Variants in SYN3 observed in about 807,000 individuals in gnomAD.
SYN3 encodes the protein synapsin-3.
In SYN3, 35 loss-of-function variants were observed where a neutral mutation model predicts 65.8. That is an observed-to-expected ratio of 0.53 (90% confidence interval 0.41 to 0.70). The LOEUF is 0.70. SYN3 is among the 30% of genes least tolerant of loss of function. The pLI is 0.00. For missense variants in SYN3, 680 were observed against 749.0 expected, an observed-to-expected ratio of 0.91 and a Z score of 1.08; for synonymous variants, 270 against 292.9, an observed-to-expected ratio of 0.92 and a Z score of 0.80.
chr22:32,715,822 A>G (rs1980327747), intron 6 of SYN3, among the ~76,000 whole-genome samples: 1 of 151,988 alleles, frequency 6.6e-6, no homozygotes, highest in South Asian at 2.1e-4. Context: ...AGTCTGCACA[A>G]TTAGGAGCAG....
intron 6 of SYN3, among the ~76,000 whole-genome samples, chr22:32,848,830 CTCCCAATTGCTCCTTCTTCTAACCACA>C (rs1293080985): frequency 6.6e-6 from 1 of 152,182 alleles, no homozygotes; most frequent in Non-Finnish European, 1.5e-5. Flanking sequence ...TGAGCCCCGA[CTCCCAATTGCTCCTTCTTCTAACCACA>C]TCCCCATAGA....
intron 6 of SYN3, among the ~76,000 whole-genome samples, chr22:32,652,368 C>A (rs2060084024): frequency 6.7e-6 from 1 of 149,630 alleles, no homozygotes; most frequent in Non-Finnish European, 1.5e-5. Flanking sequence ...ACACCTAAGT[C>A]TGCGATGCAA....
intron 6 of SYN3, among the ~76,000 whole-genome samples, chr22:32,746,162 G>A (rs941262868): frequency 3.9e-5 from 6 of 152,314 alleles, no homozygotes; most frequent in Middle Eastern, 3.4e-3. Context: ...CGGGTTGCAG[G>A]AGCCCACATA....
At position 32,510,086 on chromosome 22, in the gene SYN3, G is replaced by T. The variant is rs2057674849; in HGVS notation, c.*3606C>A. On this transcript the variant is annotated 3_prime_UTR_variant, in exon 14 of 14. Coordinates refer to ENST00000358763, the MANE Select transcript of SYN3 (RefSeq NM_003490.4). Reference sequence around the variant, plus strand: ...AAGGACAGAATATAGGAATATGGGAGAATTTAGGCCATGTGGTCATTGTTC... The same window carrying T: ...AAGGACAGAATATAGGAATATGGGATAATTTAGGCCATGTGGTCATTGTTC... 6.6e-6 allele frequency among the ~76,000 whole-genome samples: 1 copy of T among 152,148 alleles called. No homozygotes were observed. The highest frequency in any genetic ancestry group is 1.5e-5 in the Non-Finnish European group (1 of 68,030).
intron 6 of SYN3, among the ~76,000 whole-genome samples, chr22:32,657,644 T>C (rs1318578812): frequency 6.6e-6 from 1 of 152,162 alleles, no homozygotes; most frequent in Non-Finnish European, 1.5e-5. Context: ...CAGGGCTTGG[T>C]AAGAAGGGCT....
chr22:32,859,576 T>C (rs1168209334), intron 6 of SYN3: 2 of 688,750 alleles, frequency 2.9e-6, no homozygotes, highest in South Asian at 2.2e-5. Context: ...CCCCTTCTTT[T>C]TGGTTTTGAC....
intron 3 of SYN3, among the ~76,000 whole-genome samples, chr22:32,954,098 CCAACA>C (rs1170859797): frequency 2.9e-5 from 4 of 137,212 alleles, no homozygotes; most frequent in African/African-American, 8.5e-5. Flanking sequence ...GTACCCACAC[CCAACA>C]AAACAAAACA....
intron 3 of SYN3, among the ~76,000 whole-genome samples, chr22:32,942,150 C>T (rs2050959907): frequency 6.6e-6 from 1 of 152,218 alleles, no homozygotes; most frequent in South Asian, 2.1e-4. Context: ...ACTGCCTCCT[C>T]AAGTGGGTCC....
Position 32,631,121 on chromosome 22 carries a change from C to G in SYN3, c.712-34385G>C, listed in dbSNP as rs555522112. Among the ~76,000 whole-genome samples, 6 of 152,168 alleles carry G rather than the reference C, an allele frequency of 3.9e-5. No homozygotes were observed. The East Asian group carries it at 9.6e-4, about 24-fold the overall frequency. Reference sequence around the variant, plus strand: ...ACCAGCTTGGACAACATGGAGAAACCCTGTCTCTACTAAAAATACAAAAAT... The same window carrying G: ...ACCAGCTTGGACAACATGGAGAAACGCTGTCTCTACTAAAAATACAAAAAT... On this transcript the variant is annotated intron_variant, in intron 6 of 13. Transcript: ENST00000358763.
In SYN3 at chr22:32,618,615, G is replaced by A. The variant is rs149786797; in HGVS notation, c.712-21879C>T. On this transcript the variant is annotated intron_variant, in intron 6 of 13. Coordinates refer to ENST00000358763, the MANE Select transcript of SYN3 (RefSeq NM_003490.4). Reference sequence around the variant, plus strand: ...GTGGCGTGCCAGAAGGCCTTTGGACGGAATGTTCAGAGGCTGCATAATAGA... The same window carrying A: ...GTGGCGTGCCAGAAGGCCTTTGGACAGAATGTTCAGAGGCTGCATAATAGA... Among the ~76,000 whole-genome samples, 374 of 152,256 alleles carry A rather than the reference G, an allele frequency of 2.5e-3. 2 individuals are homozygous for A. Among genetic ancestry groups the A allele is most frequent in the African/African-American group, 8.0e-3 (333 of 41,546 alleles).
chr22:32,878,439 G>C (rs1275059442), intron 4 of SYN3, among the ~76,000 whole-genome samples: 2 of 152,084 alleles, frequency 1.3e-5, no homozygotes, highest in Non-Finnish European at 2.9e-5. Flanking sequence ...CACCTTAACA[G>C]ACCTTCAGCT....
intron 6 of SYN3, among the ~76,000 whole-genome samples, chr22:32,647,691 C>G (rs563984274): frequency 1.3e-5 from 2 of 152,068 alleles, no homozygotes; most frequent in Non-Finnish European, 2.9e-5. Context: ...TCACTGAAAC[C>G]TCCGCCTCCT....
At chr22:32,687,298 G>A (rs2060604209) in intron 6 of SYN3, among the ~76,000 whole-genome samples, 1 of 152,032 alleles carries the variant, frequency 6.6e-6, no homozygotes, top group Admixed American at 6.6e-5. Context: ...GAGTAGCTGG[G>A]ATTACAAGCG....
At chr22:32,620,373 G>A in intron 6 of SYN3, among the ~76,000 whole-genome samples, 1 of 152,114 alleles carries the variant, frequency 6.6e-6, no homozygotes, top group East Asian at 1.9e-4. Flanking sequence ...CTTCCACAGG[G>A]AAATCTTGTG....
At chr22:32,735,983 G>T (rs1352001180) in intron 6 of SYN3, among the ~76,000 whole-genome samples, 1 of 152,236 alleles carries the variant, frequency 6.6e-6, no homozygotes. Flanking sequence ...GCTCTATTTG[G>T]TGGGGAGAGG....
At chr22:32,618,081 A>G (rs1407277166) in intron 6 of SYN3, among the ~76,000 whole-genome samples, 1 of 152,156 alleles carries the variant, frequency 6.6e-6, no homozygotes, top group African/African-American at 2.4e-5. Flanking sequence ...GGAGCCTGGC[A>G]TGACGCCTGG....
chr22:32,995,474 C>G (rs2052850238), intron 2 of SYN3, among the ~76,000 whole-genome samples: 1 of 152,128 alleles, frequency 6.6e-6, no homozygotes, highest in Non-Finnish European at 1.5e-5. Flanking sequence ...TTTGCTAAAT[C>G]TGACAACCCT....
At chr22:32,540,638 G>A (rs1187281156) in intron 8 of SYN3, among the ~76,000 whole-genome samples, 2 of 152,168 alleles carry the variant, frequency 1.3e-5, no homozygotes, top group Admixed American at 1.3e-4. Context: ...CATGTAATCC[G>A]TGCTTTGTTG....
At chr22:32,616,814 T>G (rs1174771226) in intron 6 of SYN3, among the ~76,000 whole-genome samples, 1 of 151,654 alleles carries the variant, frequency 6.6e-6, no homozygotes, top group Admixed American at 6.6e-5. Flanking sequence ...GGACAGGAGG[T>G]TGTTGGAAGA....
Sources: gnomAD v4.1 joint callset for allele counts (sites outside exome capture counted in the v4.1 genomes callset) on GRCh38, gnomAD v4.1.1 for gene constraint, MANE v1.5 for transcripts, NCBI Gene and HGNC (gene_info 2026-07-23, HGNC 2026-07-21) for gene names.